TMTC3: variants seen among roughly 807,000 people sequenced by gnomAD.
TMTC3 encodes protein O-mannosyl-transferase TMTC3.
A neutral mutation model predicts 92.2 loss-of-function variants in TMTC3; 52 were observed. That is an observed-to-expected ratio of 0.56 (90% CI 0.45 to 0.71). TMTC3 has a LOEUF of 0.71. Ranked by LOEUF, TMTC3 falls within the 30% of genes least tolerant of loss-of-function variation. The pLI is 0.00. For synonymous variants in TMTC3, 339 were observed against 363.3 expected (o/e 0.93, Z 0.76); for missense variants, 896 against 1,057.1 (o/e 0.85, Z 2.11).
intron 11 of TMTC3, 147 bp from the exon 12 acceptor site, chr12:88,190,306 C>G (rs1399220350): frequency 1.7e-6 from 1 of 596,596 alleles, no homozygotes; most frequent in African/African-American, 1.9e-5. Context: ...TAGGTTTAGT[C>G]AAAACAGGAG....
chr12:88,185,171 A>G (rs2138429851), intron 10 of TMTC3, among the ~76,000 whole-genome samples: 1 of 152,270 alleles, frequency 6.6e-6, no homozygotes, highest in East Asian at 1.9e-4. Flanking sequence ...ATTACAATTA[A>G]GATACTGAAA....
At chr12:88,160,401 A>G (rs2041062498) in intron 5 of TMTC3, among the ~76,000 whole-genome samples, 172 bp downstream of exon 5, 1 of 152,120 alleles carries the variant, frequency 6.6e-6, no homozygotes. Context: ...ATTACTTAAC[A>G]TTTTATGATA....
intron 4 of TMTC3, among the ~76,000 whole-genome samples, chr12:88,156,078 C>G (rs1184125348): frequency 1.3e-5 from 2 of 152,092 alleles, no homozygotes; most frequent in African/African-American, 2.4e-5. Flanking sequence ...CCACCGCACT[C>G]CAGCCTGGGA....
intron 2 of TMTC3, among the ~76,000 whole-genome samples, chr12:88,151,408 C>T (rs2040941394): frequency 6.6e-6 from 1 of 152,058 alleles, no homozygotes. Context: ...TTATTGCCAA[C>T]TAATATCATG....
At chr12:88,146,374 C>T (rs2138353047) in intron 1 of TMTC3, among the ~76,000 whole-genome samples, 1 of 152,174 alleles carries the variant, frequency 6.6e-6, no homozygotes, top group Middle Eastern at 3.4e-3. Context: ...AGAGCTTGTG[C>T]ATTGAACCTT....
rs3814245 is a variant in TMTC3, at chr12:88,142,431, G to A, written c.-85G>A. ...GACTGTGGTTTCAGTGGCGTCACTC[G>A]CTGGGCTGCTCTTCCTGAGGTTTTC... On this transcript the variant is annotated 5_prime_UTR_variant, in exon 1 of 14. Coordinates refer to ENST00000266712, the MANE Select transcript of TMTC3 (RefSeq NM_181783.4). 123 of 152,714 alleles carry A rather than the reference G, an allele frequency of 8.1e-4. 1 individual carries two copies. The East Asian group carries it at 0.021, about 27-fold the overall frequency. The allele number at this position is 152,714 out of a possible 1,614,324, so 9.5% of individuals were successfully genotyped here. A position where few individuals can be genotyped will look rare whatever the true frequency, so the allele number is the denominator to read the frequency against.
intron 2 of TMTC3, among the ~76,000 whole-genome samples, chr12:88,149,863 AT>A (rs765113003): frequency 2.0e-5 from 3 of 152,144 alleles, no homozygotes; most frequent in Middle Eastern, 3.2e-3. Context: ...ATATGGCCCT[AT>A]TATACATTAT....
chr12:88,183,537 CT>C (rs762418068), intron 10 of TMTC3, among the ~76,000 whole-genome samples: 2 of 152,022 alleles, frequency 1.3e-5, no homozygotes, highest in Non-Finnish European at 2.9e-5. Context: ...TATTTTTGCC[CT>C]TTACTGGTGG....
intron 10 of TMTC3, among the ~76,000 whole-genome samples, chr12:88,183,372 C>T (rs2041340240): frequency 6.6e-6 from 1 of 152,158 alleles, no homozygotes; most frequent in Non-Finnish European, 1.5e-5. Flanking sequence ...TCATATACCC[C>T]ATTGCCTTGT....
chr12:88,152,750 A>G (rs368827587), intron 2 of TMTC3, among the ~76,000 whole-genome samples: 1 of 152,150 alleles, frequency 6.6e-6, no homozygotes, highest in East Asian at 1.9e-4. Context: ...TACTCTCTGT[A>G]ATTTGGGAAT....
At chr12:88,148,873 C>A (rs187487313) in intron 2 of TMTC3, among the ~76,000 whole-genome samples, 24 of 152,032 alleles carry the variant, frequency 1.6e-4, no homozygotes, top group Admixed American at 7.2e-4. Flanking sequence ...GTAGTTTTGG[C>A]TTAACTTCTT....
At chr12:88,185,333 ACTCT>A (rs1009049368) in intron 10 of TMTC3, among the ~76,000 whole-genome samples, 8 of 146,698 alleles carry the variant, frequency 5.5e-5, no homozygotes, top group Non-Finnish European at 9.0e-5. Flanking sequence ...TACTCTATGG[ACTCT>A]CTCTTTTTTT....
intron 12 of TMTC3, 101 bp from the exon 13 acceptor site, chr12:88,192,503 A>G (rs1348668325): frequency 1.0e-5 from 8 of 768,008 alleles, no homozygotes; most frequent in Non-Finnish European, 1.5e-5. Flanking sequence ...GTTAAGAGAA[A>G]AAAAAGCTGT....
Position 88,166,485 on chromosome 12 carries a change from T to C in TMTC3, c.953T>C (p.Ile318Thr). ...CCACTTATAGAGTCATTACTAGATA[T>C]TCGAAATCTGGCCACATTTACTTTC... ...TIPLIESLLD[I>T]RNLATFTFFC... Residue 318 changes from isoleucine (I) to threonine (T), a missense_variant, in exon 7 of 14, where the codon ATT (isoleucine) becomes ACT (threonine). Ile to Thr is a moderately conservative substitution (Grantham distance 89). Coordinates refer to ENST00000266712, the MANE Select transcript of TMTC3 (RefSeq NM_181783.4). The C allele has an allele frequency of 6.2e-7, 1 of 1,613,952 alleles. No individual in the cohort carries two copies. The highest frequency in any genetic ancestry group is 8.5e-7 in the Non-Finnish European group (1 of 1,179,932).
rs2041523865 is a variant in TMTC3 at position 88,197,242 on chromosome 12, C to G, written c.*1593C>G. On this transcript the variant is annotated 3_prime_UTR_variant, in exon 14 of 14. Coordinates refer to ENST00000266712, the MANE Select transcript of TMTC3 (RefSeq NM_181783.4). ...AGAAGACCCACTCTTACTAGGTTCC[C>G]TAAGGATCTGCCATAGATTTTTTTT... 1 of 149,514 alleles carries G rather than the reference C, an allele frequency of 6.7e-6. No homozygotes were observed. The highest frequency in any genetic ancestry group is 2.5e-5 in the African/African-American group (1 of 40,402). 9.3% of individuals were successfully genotyped at this position (149,514 alleles called of 1,614,324 possible). A position where few individuals can be genotyped will look rare whatever the true frequency, so the allele number is the denominator to read the frequency against.
Position 88,160,860 on chromosome 12 carries a change from T to C in TMTC3, c.797+9T>C, listed in dbSNP as rs758113950. Reference sequence around the variant, plus strand: ...CTTCCAGTATTCACCAGGTATGAAATTCTGGTTCTTTGTTTTCTCCATTCT... The same window carrying C: ...CTTCCAGTATTCACCAGGTATGAAACTCTGGTTCTTTGTTTTCTCCATTCT... On this transcript the variant is annotated intron_variant, in intron 6 of 13. Coordinates refer to ENST00000266712, the MANE Select transcript of TMTC3 (RefSeq NM_181783.4). The C allele has an allele frequency of 6.4e-7, 1 of 1,570,654 alleles. No individual in the cohort carries two copies. The highest frequency in any genetic ancestry group is 8.6e-7 in the Non-Finnish European group (1 of 1,159,274).
intron 10 of TMTC3, among the ~76,000 whole-genome samples, chr12:88,186,829 A>G (rs2041382893): frequency 6.6e-6 from 1 of 152,108 alleles, no homozygotes; most frequent in African/African-American, 2.4e-5. Context: ...ATCTAATTGC[A>G]TCTCTGCTCT....
intron 13 of TMTC3, among the ~76,000 whole-genome samples, chr12:88,193,710 G>C (rs1002842347): frequency 6.6e-6 from 1 of 152,000 alleles, no homozygotes; most frequent in African/African-American, 2.4e-5. Flanking sequence ...TTTATCCATC[G>C]TGCTGCCAAA....
chr12:88,172,943 A>G (rs2041221691), intron 8 of TMTC3, 198 bp downstream of exon 8: 3 of 1,469,886 alleles, frequency 2.0e-6, no homozygotes, highest in African/African-American at 2.8e-5. Context: ...TCTTCCCTAT[A>G]TTTATGTAAT....
Sources: allele counts gnomAD v4.1 joint callset (sites outside exome capture counted in the v4.1 genomes callset), GRCh38; gene constraint gnomAD v4.1.1; transcripts MANE v1.5; gene names NCBI Gene and HGNC (gene_info 2026-07-23, HGNC 2026-07-21).